Variants in RBFOX1 observed in about 807,000 individuals in gnomAD.
RBFOX1 encodes the protein RNA binding fox-1 homolog 1.
Under a neutral mutation model 57.7 loss-of-function variants are expected in RBFOX1, and 8 were observed. That is an observed-to-expected ratio of 0.14 (90% CI 0.08 to 0.25). The LOEUF (loss-of-function observed/expected upper bound fraction) is 0.25, where lower values mean the gene tolerates loss of function less well. Among genes scored for constraint, RBFOX1 ranks in the 10% least tolerant of loss-of-function variants. RBFOX1 has a pLI of 1.00. For missense variants in RBFOX1, 611 were observed against 548.5 expected (o/e 1.11, Z -1.14); for synonymous variants, 326 against 222.4 (o/e 1.47, Z -4.15).
chr16:7,475,896 G>A (rs946575805), intron 4 of RBFOX1, among the ~76,000 whole-genome samples: 1 of 152,224 alleles, frequency 6.6e-6, no homozygotes, highest in African/African-American at 2.4e-5. Context: ...AGTGGGGTAA[G>A]AAGTTCACAT....
At chr16:6,046,115 TA>T (rs961695132) in intron 1 of RBFOX1, among the ~76,000 whole-genome samples, 79 of 152,310 alleles carry the variant, frequency 5.2e-4, no homozygotes, top group Non-Finnish European at 4.7e-4. Context: ...ATTTTTGTGT[TA>T]AAATGATTAC....
intron 3 of RBFOX1, among the ~76,000 whole-genome samples, chr16:6,826,665 A>C (rs958226971): frequency 6.6e-6 from 1 of 151,770 alleles, no homozygotes; most frequent in Non-Finnish European, 1.5e-5. Context: ...TTTGTTTGCT[A>C]CCAGCCTAAG....
Position 6,586,826 on chromosome 16 carries a change from C to T in RBFOX1, c.-63-67777C>T, listed in dbSNP as rs191745835. On this transcript the variant is annotated intron_variant, in intron 2 of 15. Coordinates refer to ENST00000550418, the MANE Select transcript of RBFOX1 (RefSeq NM_018723.4). ...TTTTGTTTTAACTGCACTATCACCA[C>T]GTAATTATAGGAGAAAGGGAAAAGG... is the stretch of plus-strand genomic sequence containing the variant. Among the ~76,000 whole-genome samples the T allele has an allele frequency of 3.7e-3, 565 of 152,080 alleles. 1 individual carries two copies. The highest frequency in any genetic ancestry group is 0.012 in the African/African-American group (483 of 41,490).
At chr16:5,688,160 G>C (rs974019636) in intron 3 of RBFOX1, among the ~76,000 whole-genome samples, 1 of 152,172 alleles carries the variant, frequency 6.6e-6, no homozygotes, top group African/African-American at 2.4e-5. Context: ...GTTTAGGTAT[G>C]ACAGAAAAGG....
intron 2 of RBFOX1, among the ~76,000 whole-genome samples, chr16:6,431,743 C>T (rs2094093147): frequency 6.6e-6 from 1 of 152,050 alleles, no homozygotes; most frequent in Non-Finnish European, 1.5e-5. Flanking sequence ...GTAGTCCTGG[C>T]TACTTTACCA....
At chr16:6,115,159 T>A (rs73527931) in intron 1 of RBFOX1, among the ~76,000 whole-genome samples, 4,850 of 152,272 alleles carry the variant, frequency 0.032, 246 homozygotes, top group African/African-American at 0.11. Flanking sequence ...TTATCACCAT[T>A]TACTAGTTCC....
chr16:6,852,643 A>G (rs2094132528), intron 3 of RBFOX1, among the ~76,000 whole-genome samples: 1 of 152,134 alleles, frequency 6.6e-6, no homozygotes, highest in Admixed American at 6.5e-5. Context: ...GGAGAGGTAC[A>G]TGCTGGGAAC....
chr16:6,827,663 T>C (rs1039930755), intron 3 of RBFOX1, among the ~76,000 whole-genome samples: 1 of 152,160 alleles, frequency 6.6e-6, no homozygotes, highest in African/African-American at 2.4e-5. Flanking sequence ...CCTCACCCTT[T>C]TGAGGTCTCT....
intron 1 of RBFOX1, among the ~76,000 whole-genome samples, chr16:5,276,938 C>T (rs2063155923): frequency 6.6e-6 from 1 of 152,168 alleles, no homozygotes. Flanking sequence ...AATCCCACTA[C>T]TAAGTATCTA....
intron 4 of RBFOX1, among the ~76,000 whole-genome samples, chr16:7,383,257 C>T (rs2097813832): frequency 1.3e-5 from 2 of 149,646 alleles, no homozygotes; most frequent in Admixed American, 6.6e-5. Flanking sequence ...TACTACGTAC[C>T]CATAAAAATT....
intron 4 of RBFOX1, among the ~76,000 whole-genome samples, chr16:7,437,250 GC>G (rs61036994): frequency 0.34 from 42,589 of 127,130 alleles, 6,705 homozygotes; most frequent in Non-Finnish European, 0.44. Flanking sequence ...AATTATCTTT[GC>G]CCCCCCCCCC....
At chr16:7,419,068 A>T (rs1597975223) in intron 4 of RBFOX1, among the ~76,000 whole-genome samples, 1 of 151,918 alleles carries the variant, frequency 6.6e-6, no homozygotes, top group East Asian at 1.9e-4. Flanking sequence ...CCACGCCCAG[A>T]TAGTTTTTTT....
At chr16:6,781,105 T>C (rs1443525242) in intron 3 of RBFOX1, among the ~76,000 whole-genome samples, 2 of 152,150 alleles carry the variant, frequency 1.3e-5, no homozygotes, top group East Asian at 1.9e-4. Flanking sequence ...AGTGTTTTCT[T>C]GTAATAGCTT....
At chr16:6,928,795 G>GA in intron 3 of RBFOX1, among the ~76,000 whole-genome samples, 1 of 152,168 alleles carries the variant, frequency 6.6e-6, no homozygotes, top group East Asian at 1.9e-4. Flanking sequence ...GCTATGAAAA[G>GA]ACATATGCAC....
intron 2 of RBFOX1, among the ~76,000 whole-genome samples, chr16:6,628,123 C>T (rs931838996): frequency 3.3e-5 from 5 of 152,278 alleles, no homozygotes; most frequent in African/African-American, 1.2e-4. Context: ...TTCGCAGTCC[C>T]CAAGATGTCT....
At chr16:7,316,962 G>GAACACACA (rs2142992047) in intron 4 of RBFOX1, among the ~76,000 whole-genome samples, 1 of 48,200 alleles carries the variant, frequency 2.1e-5, no homozygotes, top group South Asian at 9.0e-4. Flanking sequence ...GAAGAAGACA[G>GAACACACA]AACACACACA....
Position 6,334,839 on chromosome 16 carries a change from G to A in RBFOX1, c.-64+17782G>A, listed in dbSNP as rs2083439364. 2.0e-5 allele frequency among the ~76,000 whole-genome samples: 3 copies of A among 152,164 alleles called. No individual in the cohort carries two copies. The South Asian group carries it at 6.2e-4, about 32-fold the overall frequency. On this transcript the variant is annotated intron_variant, in intron 2 of 15. Transcript: ENST00000550418. ...CATATATACCAGCTTTTGCCATTCT[G>A]CTCTAGACAGAAGAAACTTTTCCCC...
At chr16:6,350,444 G>GAAAAAAAAAAAAAAAAAAAAAAAA (rs569363563) in intron 2 of RBFOX1, among the ~76,000 whole-genome samples, 1 of 74,618 alleles carries the variant, frequency 1.3e-5, no homozygotes, top group Non-Finnish European at 2.4e-5. Context: ...TCTGTCTCAA[G>GAAAAAAAAAAAAAAAAAAAAAAAA]AAAAAAAAAA....
chr16:6,931,358 C>T (rs1291564483), intron 3 of RBFOX1, among the ~76,000 whole-genome samples: 4 of 151,502 alleles, frequency 2.6e-5, no homozygotes, highest in Non-Finnish European at 5.9e-5. Flanking sequence ...CACACACACA[C>T]ACACATACAT....
Sources: allele counts gnomAD v4.1 joint callset (sites outside exome capture counted in the v4.1 genomes callset), GRCh38; gene constraint gnomAD v4.1.1; transcripts MANE v1.5; gene names NCBI Gene and HGNC (gene_info 2026-07-23, HGNC 2026-07-21).